Variants in RERE observed in about 807,000 individuals in gnomAD.
The protein encoded by RERE is arginine-glutamic acid dipeptide repeats.
A neutral mutation model predicts 146.1 loss-of-function variants in RERE; 40 were observed. That is an observed-to-expected ratio of 0.27 (90% CI 0.21 to 0.36). RERE has a LOEUF of 0.36. Among genes scored for constraint, RERE ranks in the 10% least tolerant of loss-of-function variants. The pLI is 1.00. For missense variants in RERE, 1,933 were observed against 2,138.7 expected, an observed-to-expected ratio of 0.90 and a Z score of 1.90; for synonymous variants, 1,003 against 866.0, an observed-to-expected ratio of 1.16 and a Z score of -2.78.
chr1:8,595,974 G>A (rs1557702132), intron 4 of RERE, among the ~76,000 whole-genome samples: 1 of 152,174 alleles, frequency 6.6e-6, no homozygotes, highest in Non-Finnish European at 1.5e-5. Context: ...ACCAGCTCAG[G>A]CTTCAGCAAA....
At chr1:8,439,024 G>C (rs1425189886) in intron 11 of RERE, among the ~76,000 whole-genome samples, 1 of 152,200 alleles carries the variant, frequency 6.6e-6, no homozygotes, top group Non-Finnish European at 1.5e-5. Flanking sequence ...AGTTCCACCA[G>C]TAAATCGTCT....
chr1:8,421,797 T>C (rs1478783511), intron 12 of RERE, among the ~76,000 whole-genome samples: 1 of 152,148 alleles, frequency 6.6e-6, no homozygotes, highest in Non-Finnish European at 1.5e-5. Context: ...CTCCACTCCC[T>C]AAAAAAGCAG....
chr1:8,431,711 A>G (rs570700090), intron 11 of RERE, among the ~76,000 whole-genome samples: 2 of 152,246 alleles, frequency 1.3e-5, no homozygotes, highest in South Asian at 2.1e-4. Flanking sequence ...CCTTTCTTCA[A>G]TAATAAATTA....
chr1:8,360,421 GCCACCT>G lies in RERE; in HGVS notation c.3080_3085del (p.Gln1027_Ala1029delinsPro). ...GTGCTGAGCAAACGGGGGTTGGGGGGCCACCTGGTGGAGGCCTGTAGGGGGGTGGGA... is the reference window on the plus strand; with the variant it reads ...GTGCTGAGCAAACGGGGGTTGGGGGGGGTGGAGGCCTGTAGGGGGGTGGGA... On this transcript the variant is annotated inframe_deletion, in exon 18 of 23. Coordinates refer to ENST00000400908, the MANE Select transcript of RERE (RefSeq NM_001042681.2). 1 of 557,632 alleles carries G rather than the reference GCCACCT, an allele frequency of 1.8e-6. No individual in the cohort carries two copies. 34.5% of individuals were successfully genotyped at this position (557,632 alleles called of 1,614,324 possible).
chr1:8,703,400 C>T (rs1233218373), intron 1 of RERE, among the ~76,000 whole-genome samples: 1 of 151,670 alleles, frequency 6.6e-6, no homozygotes, highest in Non-Finnish European at 1.5e-5. Flanking sequence ...TGCCACATGC[C>T]GGTGACCCAG....
At chr1:8,724,886 AAAAAC>A (rs1431937984) in intron 1 of RERE, among the ~76,000 whole-genome samples, 3 of 150,950 alleles carry the variant, frequency 2.0e-5, no homozygotes, top group African/African-American at 4.9e-5. Context: ...AAAAAAAAAA[AAAAAC>A]AACTCAACCT....
rs546441479 is a variant in RERE at position 8,353,683 on chromosome 1, C to A, written c.*1404G>T. On this transcript the variant is annotated 3_prime_UTR_variant, in exon 23 of 23. Transcript: ENST00000400908. ...CAGAAGGGCCTGGCCTCCTGAGAAG[C>A]AGCCCCCACACAGCATGCTTTCTGA... The A allele has an allele frequency of 2.6e-5, 4 of 152,394 alleles. No individual in the cohort carries two copies. Among genetic ancestry groups the A allele is most frequent in the African/African-American group, 9.6e-5 (4 of 41,578 alleles). The allele number at this position is 152,394 out of a possible 1,614,324, so 9.4% of individuals were successfully genotyped here.
chr1:8,577,792 G>C (rs988226154), intron 4 of RERE, among the ~76,000 whole-genome samples: 2 of 152,134 alleles, frequency 1.3e-5, no homozygotes, highest in Admixed American at 6.5e-5. Context: ...GGCTGGACAT[G>C]CACTTTAAAA....
rs1435627210 is a variant in RERE, at chr1:8,361,034, GGGGATGTGGCGA to G, written c.2461_2472del (p.Ser821_Pro824del). ...GCCGACCCAGTCAGAGGCTGCAGCG[GGGGATGTGGCGA>G]GGGATGCGGCGGGGGATGCGGTGAG... is the stretch of plus-strand genomic sequence containing the variant. On this transcript the variant is annotated inframe_deletion, in exon 18 of 23. Transcript: ENST00000400908. 11 of 1,438,456 alleles carry G rather than the reference GGGGATGTGGCGA, an allele frequency of 7.6e-6. 1 individual carries two copies. Among genetic ancestry groups the G allele is most frequent in the South Asian group, 4.4e-5 (3 of 68,026 alleles). 89.1% of individuals were successfully genotyped at this position (1,438,456 alleles called of 1,614,324 possible). A position where few individuals can be genotyped will look rare whatever the true frequency, so the allele number is the denominator to read the frequency against.
intron 12 of RERE, among the ~76,000 whole-genome samples, chr1:8,398,370 C>A (rs1183915682): frequency 6.6e-6 from 1 of 152,198 alleles, no homozygotes; most frequent in African/African-American, 2.4e-5. Flanking sequence ...CATAGCTTTG[C>A]TCTCCTGTGT....
At chr1:8,470,364 C>A (rs535360401) in intron 10 of RERE, among the ~76,000 whole-genome samples, 1 of 152,004 alleles carries the variant, frequency 6.6e-6, no homozygotes, top group East Asian at 1.9e-4. Context: ...CCAGTTCAAG[C>A]GATTCTCCTG....
chr1:8,355,979 G>C, intron 21 of RERE, 121 bp downstream of exon 21: 2 of 1,091,948 alleles, frequency 1.8e-6, no homozygotes, highest in Non-Finnish European at 2.5e-6. Context: ...TGCATGCAGG[G>C]GGAGCGAACC....
intron 10 of RERE, among the ~76,000 whole-genome samples, chr1:8,489,661 T>A (rs558992334): frequency 1.3e-4 from 19 of 151,458 alleles, no homozygotes; most frequent in Non-Finnish European, 2.1e-4. Flanking sequence ...GGATAAAATT[T>A]AAAAAAAAAT....
intron 1 of RERE, among the ~76,000 whole-genome samples, chr1:8,762,936 T>C (rs1051666251): frequency 2.6e-5 from 4 of 152,010 alleles, no homozygotes; most frequent in Non-Finnish European, 5.9e-5. Flanking sequence ...GTCACACTCT[T>C]GAGCAAAGGA....
chr1:8,786,958 A>G (rs1219034747), intron 1 of RERE: 16 of 659,858 alleles, frequency 2.4e-5, no homozygotes, highest in Non-Finnish European at 4.0e-5. Context: ...TAAAGATCGC[A>G]GTCTAACTTT....
chr1:8,426,568 C>A (rs930420949), intron 11 of RERE, among the ~76,000 whole-genome samples: 1 of 152,200 alleles, frequency 6.6e-6, no homozygotes, highest in Non-Finnish European at 1.5e-5. Context: ...CCATCTCCCC[C>A]ATCCAGCCAT....
At chr1:8,642,984 G>A (rs761429464) in intron 2 of RERE, among the ~76,000 whole-genome samples, 33 of 152,192 alleles carry the variant, frequency 2.2e-4, no homozygotes, top group Non-Finnish European at 4.7e-4. Flanking sequence ...CCTAGAATGT[G>A]CTAGACACTT....
chr1:8,528,075 A>G (rs1645592015), intron 7 of RERE, among the ~76,000 whole-genome samples: 1 of 152,244 alleles, frequency 6.6e-6, no homozygotes, highest in Non-Finnish European at 1.5e-5. Flanking sequence ...TGTACCTCAA[A>G]GAACTCTATC....
intron 10 of RERE, among the ~76,000 whole-genome samples, chr1:8,486,942 C>T (rs1384471762): frequency 6.6e-6 from 1 of 151,960 alleles, no homozygotes; most frequent in Non-Finnish European, 1.5e-5. Context: ...GGGAGTATTA[C>T]TCTGATATGA....
Sources: allele counts gnomAD v4.1 joint callset (sites outside exome capture counted in the v4.1 genomes callset), GRCh38; gene constraint gnomAD v4.1.1; transcripts MANE v1.5; gene names NCBI Gene and HGNC (gene_info 2026-07-23, HGNC 2026-07-21).